Variants in LGSN observed in about 807,000 individuals in gnomAD.
The protein encoded by LGSN is lengsin.
LGSN carries 21 observed loss-of-function variants against 19.5 expected under a neutral mutation model. The ratio of observed to expected loss-of-function variants is 1.07; its 90% confidence interval spans 0.76 to 1.55. The LOEUF (loss-of-function observed/expected upper bound fraction) is 1.55, where lower values mean the gene tolerates loss of function less well. Ranked by LOEUF, LGSN falls within the 40% of genes most tolerant of loss-of-function variation. LGSN has a pLI of 0.00. For synonymous variants in LGSN, 257 were observed against 215.6 expected, an observed-to-expected ratio of 1.19 and a Z score of -1.68; for missense variants, 673 against 608.5, an observed-to-expected ratio of 1.11 and a Z score of -1.12.
the LGSN span, among the ~76,000 whole-genome samples, chr6:63,482,762 A>G: frequency 1.1e-4 from 17 of 151,394 alleles, no homozygotes; most frequent in Non-Finnish European, 1.9e-4. Flanking sequence ...GTGCAGTGGC[A>G]TTATCTTGGC....
chr6:63,418,232 T>C, the LGSN span, among the ~76,000 whole-genome samples: 2 of 152,188 alleles, frequency 1.3e-5, no homozygotes, highest in Non-Finnish European at 2.9e-5. Flanking sequence ...TTCACATTCC[T>C]CACAGTAATG....
the LGSN span, among the ~76,000 whole-genome samples, chr6:63,463,665 T>G: frequency 7.2e-5 from 11 of 152,212 alleles, no homozygotes; most frequent in Non-Finnish European, 1.5e-4. Context: ...GGAAACCATG[T>G]TGCTGGGAAA....
intron 2 of LGSN, chr6:63,293,958 C>T (rs1562010108): frequency 5.4e-5 from 19 of 353,254 alleles, no homozygotes; most frequent in South Asian, 4.1e-4. Context: ...ATATTTCTAG[C>T]AGTGACATAT....
At position 63,276,979 on chromosome 6, in the gene LGSN, C is replaced by CAAG; in HGVS notation, c.*3041_*3042insCTT. On this transcript the variant is annotated 3_prime_UTR_variant, in exon 4 of 4. Coordinates refer to ENST00000370657, the MANE Select transcript of LGSN (RefSeq NM_016571.3). ...TGCCTTAAAGAACAAGAATATACAT[C>CAAG]AGCACACACCTAACTGAAATCTTGG... 6.6e-6 allele frequency: 1 copy of CAAG among 151,858 alleles called. No individual in the cohort carries two copies. 9.4% of individuals were successfully genotyped at this position (151,858 alleles called of 1,614,324 possible).
At chr6:63,549,503 C>G in the LGSN span, 4 of 748,178 alleles carry the variant, frequency 5.3e-6, no homozygotes, top group South Asian at 5.8e-5. Flanking sequence ...TCTTTCCTTT[C>G]GGCAGGAGGA....
chr6:63,369,196 G>C, the LGSN span, among the ~76,000 whole-genome samples: 2 of 152,224 alleles, frequency 1.3e-5, no homozygotes, highest in African/African-American at 4.8e-5. Context: ...TGTAGGCAGA[G>C]TCTTAAGTCA....
upstream of LGSN, among the ~76,000 whole-genome samples, chr6:63,324,834 A>T (rs932188693): frequency 5.7e-4 from 87 of 151,816 alleles, no homozygotes; most frequent in African/African-American, 2.0e-3. Context: ...GAGGCTGCAC[A>T]TGGTGGCTCA....
chr6:63,359,860 G>A, the LGSN span, among the ~76,000 whole-genome samples: 1 of 151,312 alleles, frequency 6.6e-6, no homozygotes, highest in Non-Finnish European at 1.5e-5. Context: ...CTGGCCTGGT[G>A]GTGACAAAAT....
chr6:63,315,431 C>T (rs1305659437), intron 1 of LGSN, among the ~76,000 whole-genome samples: 2 of 152,050 alleles, frequency 1.3e-5, no homozygotes, highest in African/African-American at 4.8e-5. Flanking sequence ...CTAGTGAAAG[C>T]CTGCTCTACA....
the LGSN span, among the ~76,000 whole-genome samples, chr6:63,367,843 A>G: frequency 6.6e-6 from 1 of 151,976 alleles, no homozygotes; most frequent in Non-Finnish European, 1.5e-5. Flanking sequence ...TTGCAAGGAC[A>G]GAAAACTAAA....
At chr6:63,321,700 T>C (rs1017480044), upstream of LGSN, among the ~76,000 whole-genome samples, 1 of 152,192 alleles carries the variant, frequency 6.6e-6, no homozygotes, top group Non-Finnish European at 1.5e-5. Flanking sequence ...TACCATTATT[T>C]AGAATCAGTT....
chr6:63,418,910 T>G, the LGSN span, among the ~76,000 whole-genome samples: 1 of 152,042 alleles, frequency 6.6e-6, no homozygotes, highest in Admixed American at 6.5e-5. Context: ...AAACTAGACT[T>G]CCCTCTTCAC....
chr6:63,293,572 C>T (rs1582030431), intron 2 of LGSN: 1 of 322,032 alleles, frequency 3.1e-6, no homozygotes, highest in East Asian at 8.1e-5. Context: ...ATTCCTCAAC[C>T]AACATTACAT....
At chr6:63,412,469 A>AAG in the LGSN span, among the ~76,000 whole-genome samples, 61 of 128,246 alleles carry the variant, frequency 4.8e-4, 1 homozygote, top group African/African-American at 1.1e-3. Flanking sequence ...AAAGAAAAAG[A>AAG]GAGAGAAGAA....
the LGSN span, among the ~76,000 whole-genome samples, chr6:63,529,065 G>A: frequency 6.7e-6 from 1 of 148,694 alleles, no homozygotes; most frequent in African/African-American, 2.5e-5. Flanking sequence ...CTCCAGCCTG[G>A]GCAACAAGAG....
chr6:63,508,779 C>T, the LGSN span, among the ~76,000 whole-genome samples: 14 of 151,340 alleles, frequency 9.3e-5, no homozygotes, highest in Non-Finnish European at 4.4e-5. Context: ...ATTAGGCGGG[C>T]GTGGTGGTGC....
the LGSN span, among the ~76,000 whole-genome samples, chr6:63,541,055 A>G: frequency 3.7e-5 from 5 of 133,968 alleles, no homozygotes; most frequent in African/African-American, 1.1e-4. Context: ...GGAAGGAAGG[A>G]AGGGAGGGAA....
chr6:63,419,672 T>C, the LGSN span, among the ~76,000 whole-genome samples: 1 of 149,078 alleles, frequency 6.7e-6, no homozygotes, highest in Non-Finnish European at 1.5e-5. Flanking sequence ...GCGGATTGCC[T>C]GAGCCCAGGA....
the LGSN span, among the ~76,000 whole-genome samples, chr6:63,523,881 A>G: frequency 6.6e-6 from 1 of 152,090 alleles, no homozygotes; most frequent in Non-Finnish European, 1.5e-5. Context: ...CAGATTGCCT[A>G]CTCCTAGCAT....
Sources: gnomAD v4.1 joint callset for allele counts (sites outside exome capture counted in the v4.1 genomes callset) on GRCh38, gnomAD v4.1.1 for gene constraint, MANE v1.5 for transcripts, NCBI Gene and HGNC (gene_info 2026-07-23, HGNC 2026-07-21) for gene names.